The following PARD6G variants were observed in gnomAD, a reference collection of about 807,000 sequenced individuals.
The protein encoded by PARD6G is partitioning defective 6 homolog gamma.
A neutral mutation model predicts 10.7 loss-of-function variants in PARD6G; 7 were observed. The ratio of observed to expected loss-of-function variants is 0.66; its 90% CI spans 0.37 to 1.23. The LOEUF (loss-of-function observed/expected upper bound fraction) is 1.23, where lower values mean the gene tolerates loss of function less well. Ranked by LOEUF, PARD6G falls within the 50% of genes most tolerant of loss-of-function variation. PARD6G has a pLI of 0.02. For synonymous variants in PARD6G, 287 were observed against 269.4 expected (o/e 1.07, Z -0.64); for missense variants, 548 against 571.8 (o/e 0.96, Z 0.42).
chr18:80,172,370 GT>G (rs1166819949), intron 2 of PARD6G, among the ~76,000 whole-genome samples: 2 of 150,646 alleles, frequency 1.3e-5, no homozygotes, highest in African/African-American at 4.9e-5. Flanking sequence ...ACTGGGTTGG[GT>G]TGTATGTCTT....
At chr18:80,224,510 C>T (rs1413508676) in intron 1 of PARD6G, among the ~76,000 whole-genome samples, 1 of 152,190 alleles carries the variant, frequency 6.6e-6, no homozygotes, top group Non-Finnish European at 1.5e-5. Context: ...AGCTGGATAT[C>T]TGTCTTCATG....
intron 1 of PARD6G, among the ~76,000 whole-genome samples, chr18:80,225,801 A>G (rs1967282851): frequency 6.6e-6 from 1 of 152,166 alleles, no homozygotes; most frequent in Admixed American, 6.5e-5. Context: ...CCACATGTAC[A>G]ACACATACAA....
intron 1 of PARD6G, among the ~76,000 whole-genome samples, chr18:80,214,244 T>C (rs1967138316): frequency 6.6e-6 from 1 of 152,002 alleles, no homozygotes; most frequent in Non-Finnish European, 1.5e-5. Flanking sequence ...GATCACGAGA[T>C]GTCAGGAGTT....
chr18:80,195,893 CT>C (rs34999890), intron 2 of PARD6G, among the ~76,000 whole-genome samples: 37 of 145,340 alleles, frequency 2.5e-4, no homozygotes, highest in African/African-American at 6.3e-4. Flanking sequence ...AAAAAGTAAA[CT>C]TTTTTTTTTT....
rs190116572 is a variant in PARD6G at position 80,180,466 on chromosome 18, G to A, written c.296-19860C>T. The stretch of plus-strand genomic sequence containing the variant: ...ACTGGAGGAGGCTCTGCTCCATGGT[G>A]TACACCCCCCAGGTATCACCGGGGC... On this transcript the variant is annotated intron_variant, in intron 2 of 2. Coordinates refer to ENST00000353265, the MANE Select transcript of PARD6G (RefSeq NM_032510.4). The surrounding 1 kb of genome is among the most constrained non-coding windows in gnomAD (Gnocchi z 5.6). 3.3e-3 allele frequency among the ~76,000 whole-genome samples: 502 copies of A among 152,228 alleles called. 1 individual carries two copies. Among genetic ancestry groups the A allele is most frequent in the Non-Finnish European group, 4.9e-3 (332 of 67,988 alleles).
chr18:80,244,476 G>A (rs1967521688), intron 1 of PARD6G, among the ~76,000 whole-genome samples: 1 of 152,166 alleles, frequency 6.6e-6, no homozygotes, highest in Non-Finnish European at 1.5e-5. Context: ...GACCATCTGT[G>A]GCAAATGGTG....
intron 1 of PARD6G, among the ~76,000 whole-genome samples, chr18:80,243,385 G>A (rs543267642): frequency 4.6e-5 from 7 of 152,254 alleles, no homozygotes; most frequent in South Asian, 2.1e-4. Context: ...ACAAGAATGC[G>A]TGCATCATAC....
Position 80,231,604 on chromosome 18 carries a change from T to C in PARD6G, c.72+15673A>G, listed in dbSNP as rs1967358204. Reference sequence around the variant, plus strand: ...CTCTGGATAATTTATTCAACTTCTCTGATCCTGTTCCTCCTTCATAAAATA... The same window carrying C: ...CTCTGGATAATTTATTCAACTTCTCCGATCCTGTTCCTCCTTCATAAAATA... On this transcript the variant is annotated intron_variant, in intron 1 of 2. Coordinates refer to ENST00000353265, the MANE Select transcript of PARD6G (RefSeq NM_032510.4). This position sits in a 1 kb window ranked among gnomAD's most constrained non-coding sequence, Gnocchi z 4.2. Among the ~76,000 whole-genome samples the C allele has an allele frequency of 1.3e-5, 2 of 152,230 alleles. No homozygotes were observed. The highest frequency in any genetic ancestry group is 4.8e-5 in the African/African-American group (2 of 41,454).
chr18:80,184,744 A>G lies in PARD6G; in HGVS notation c.295+17966T>C, dbSNP rs561008641. 6.8e-6 allele frequency: 1 copy of G among 147,404 alleles called. No homozygotes were observed. Among genetic ancestry groups the G allele is most frequent in the South Asian group, 2.4e-4 (1 of 4,242 alleles). 9.1% of individuals were successfully genotyped at this position (147,404 alleles called of 1,614,324 possible). On this transcript the variant is annotated intron_variant, in intron 2 of 2. Coordinates refer to ENST00000353265, the MANE Select transcript of PARD6G (RefSeq NM_032510.4). The surrounding 1 kb of genome is among the most constrained non-coding windows in gnomAD (Gnocchi z 4.5). ...CACGTGAAATTTCCAGAACAGGGAA[A>G]TGCAGAGCGACAGAAAGCAGGTTAG...
rs535869512 is a variant in PARD6G, at chr18:80,192,211, T to C, written c.295+10499A>G. Among the ~76,000 whole-genome samples the C allele has an allele frequency of 1.3e-5, 2 of 152,362 alleles. No homozygotes were observed. Among genetic ancestry groups the C allele is most frequent in the East Asian group, 3.9e-4 (2 of 5,192 alleles). ...TGACAGTGACCCCTTCGTTCATTCC[T>C]GAGAAGCAAGAACATCAATGAACAC... is the stretch of plus-strand genomic sequence containing the variant. On this transcript the variant is annotated intron_variant, in intron 2 of 2. Coordinates refer to ENST00000353265, the MANE Select transcript of PARD6G (RefSeq NM_032510.4). This position sits in a 1 kb window ranked among gnomAD's most constrained non-coding sequence, Gnocchi z 4.9.
intron 1 of PARD6G, among the ~76,000 whole-genome samples, chr18:80,229,818 T>A (rs1967338032): frequency 6.6e-6 from 1 of 152,128 alleles, no homozygotes; most frequent in African/African-American, 2.4e-5. Flanking sequence ...GAGCATTTCA[T>A]CCCATGGCAC....
chr18:80,204,728 T>C (rs748427576), intron 1 of PARD6G, among the ~76,000 whole-genome samples: 3 of 151,926 alleles, frequency 2.0e-5, no homozygotes, highest in East Asian at 1.9e-4. Context: ...GCGGGCAGAT[T>C]ACTTGAGGTC....
rs958767510 is a variant in PARD6G, at chr18:80,188,960, C to A, written c.295+13750G>T. The stretch of plus-strand genomic sequence containing the variant: ...AGACATGGGAAGAGTAGTGCTCATC[C>A]CAGCAGAGGCAGCAAGGTAGGCGTT... On this transcript the variant is annotated intron_variant, in intron 2 of 2. Coordinates refer to ENST00000353265, the MANE Select transcript of PARD6G (RefSeq NM_032510.4). The surrounding 1 kb of genome is among the most constrained non-coding windows in gnomAD (Gnocchi z 5.4). Among the ~76,000 whole-genome samples, 1 of 152,170 alleles carries A rather than the reference C, an allele frequency of 6.6e-6. No homozygotes were observed. The highest frequency in any genetic ancestry group is 1.5e-5 in the Non-Finnish European group (1 of 68,026).
At chr18:80,225,489 G>A (rs1456428467) in intron 1 of PARD6G, among the ~76,000 whole-genome samples, 1 of 152,114 alleles carries the variant, frequency 6.6e-6, no homozygotes, top group African/African-American at 2.4e-5. Context: ...ACAACTGAAT[G>A]TCCCCTTCAC....
At chr18:80,179,339 G>C (rs191240253) in intron 2 of PARD6G, among the ~76,000 whole-genome samples, 24 of 152,204 alleles carry the variant, frequency 1.6e-4, no homozygotes, top group Admixed American at 1.6e-3. Context: ...AAGGCCCAGG[G>C]AGGATGAGCT....
chr18:80,230,807 T>C (rs1967349992), intron 1 of PARD6G, among the ~76,000 whole-genome samples: 1 of 152,160 alleles, frequency 6.6e-6, no homozygotes, highest in African/African-American at 2.4e-5. Context: ...GGATTTACCA[T>C]ACAGGAGAGA....
At chr18:80,232,921 C>T (rs151140177) in intron 1 of PARD6G, among the ~76,000 whole-genome samples, 300 of 152,306 alleles carry the variant, frequency 2.0e-3, no homozygotes, top group Middle Eastern at 6.8e-3. Flanking sequence ...TGGTGCAGGA[C>T]AGGTGAGTGT....
chr18:80,188,746 C>T lies in PARD6G; in HGVS notation c.295+13964G>A, dbSNP rs1383908983. On this transcript the variant is annotated intron_variant, in intron 2 of 2. Coordinates refer to ENST00000353265, the MANE Select transcript of PARD6G (RefSeq NM_032510.4). This position sits in a 1 kb window ranked among gnomAD's most constrained non-coding sequence, Gnocchi z 5.4. Reference sequence around the variant, plus strand: ...CCTGCATCTCAGAAGATGGGCAGCTCTCGGCCAGTCACCCTGGCCTGGGAT... The same window carrying T: ...CCTGCATCTCAGAAGATGGGCAGCTTTCGGCCAGTCACCCTGGCCTGGGAT... 6.6e-6 allele frequency among the ~76,000 whole-genome samples: 1 copy of T among 152,090 alleles called. No homozygotes were observed. Among genetic ancestry groups the T allele is most frequent in the Non-Finnish European group, 1.5e-5 (1 of 68,034 alleles).
Position 80,160,329 on chromosome 18 carries a change from G to C in PARD6G, c.573C>G (p.Pro191=). ...GTACCATGCGCGAGATGAAGATGCCGGGCACCTTCTCCAGCCCGTGCGGGG... is the reference window on the plus strand; with the variant it reads ...GTACCATGCGCGAGATGAAGATGCCCGGCACCTTCTCCAGCCCGTGCGGGG... ...RVTPHGLEKV[P]GIFISRMVPG... The change falls in exon 3 of 3, where the codon CCC becomes CCG. Residue 191 remains proline, a synonymous_variant. Transcript: ENST00000353265. The C allele has an allele frequency of 6.2e-7, 1 of 1,611,866 alleles. No individual in the cohort carries two copies. Among genetic ancestry groups the C allele is most frequent in the Non-Finnish European group, 8.5e-7 (1 of 1,179,812 alleles).
Sources: allele counts gnomAD v4.1 joint callset (sites outside exome capture counted in the v4.1 genomes callset), GRCh38; gene constraint gnomAD v4.1.1; non-coding constraint Gnocchi (gnomAD v3.1); transcripts MANE v1.5; gene names NCBI Gene and HGNC (gene_info 2026-07-23, HGNC 2026-07-21).